KCNMA1: variants seen among roughly 807,000 people sequenced by gnomAD.
The protein encoded by KCNMA1 is Calcium-activated potassium channel subunit alpha-1.
Under a neutral mutation model 140.0 loss-of-function variants are expected in KCNMA1, and 29 were observed. The observed-to-expected ratio is 0.21, with a 90% confidence interval of 0.15 to 0.28. KCNMA1 has a LOEUF of 0.28. KCNMA1 is among the 10% of genes least tolerant of loss of function. The pLI is 1.00. For synonymous variants in KCNMA1, 612 were observed against 611.9 expected (o/e 1.00, Z 0.00); for missense variants, 880 against 1,602.2 (o/e 0.55, Z 7.70).
chr10:76,922,147 C>T (rs1028788077), intron 23 of KCNMA1, among the ~76,000 whole-genome samples: 2 of 152,160 alleles, frequency 1.3e-5, no homozygotes, highest in African/African-American at 2.4e-5. Context: ...GACTCCTGAG[C>T]CAAACCATAA....
chr10:77,295,325 C>T (rs2074587277), intron 2 of KCNMA1, among the ~76,000 whole-genome samples: 1 of 148,678 alleles, frequency 6.7e-6, no homozygotes, highest in Non-Finnish European at 1.5e-5. Context: ...CTAGCCTGGA[C>T]AACAAGAGTG....
intron 2 of KCNMA1, among the ~76,000 whole-genome samples, chr10:77,401,955 T>C (rs899498180): frequency 6.6e-6 from 1 of 152,218 alleles, no homozygotes; most frequent in Admixed American, 6.5e-5. Context: ...CCTTCCTTGT[T>C]TTCTCCAGAG....
At chr10:77,244,294 T>C (rs771106641) in intron 3 of KCNMA1, among the ~76,000 whole-genome samples, 11 of 152,188 alleles carry the variant, frequency 7.2e-5, no homozygotes, top group Non-Finnish European at 1.5e-4. Flanking sequence ...AATGCCTCTT[T>C]GACTCTAATA....
intron 1 of KCNMA1, among the ~76,000 whole-genome samples, chr10:77,509,414 G>A (rs539714557): frequency 2.3e-4 from 35 of 151,716 alleles, no homozygotes; most frequent in African/African-American, 7.5e-4. Context: ...CACCATGCCC[G>A]GCCCTACCTC....
At chr10:77,630,749 C>T (rs2093083744) in intron 1 of KCNMA1, among the ~76,000 whole-genome samples, 1 of 151,894 alleles carries the variant, frequency 6.6e-6, no homozygotes. Context: ...ATCTCAGGTC[C>T]CACACTGGAT....
intron 1 of KCNMA1, among the ~76,000 whole-genome samples, chr10:77,550,925 G>T (rs1161412492): frequency 1.3e-5 from 2 of 152,114 alleles, no homozygotes; most frequent in East Asian, 3.9e-4. Context: ...GGAGTCAGGG[G>T]CATACAAAGC....
intron 1 of KCNMA1, among the ~76,000 whole-genome samples, chr10:77,595,479 C>A (rs1412111519): frequency 1.3e-5 from 2 of 152,054 alleles, no homozygotes; most frequent in Non-Finnish European, 2.9e-5. Context: ...TTCGGGGCCC[C>A]ATAGTTCTGT....
intron 2 of KCNMA1, among the ~76,000 whole-genome samples, chr10:77,265,808 C>T (rs1435567245): frequency 6.6e-6 from 1 of 152,130 alleles, no homozygotes; most frequent in Non-Finnish European, 1.5e-5. Flanking sequence ...AGGCTGGGTG[C>T]TGTGGCTCAT....
intron 1 of KCNMA1, among the ~76,000 whole-genome samples, chr10:77,449,809 A>G (rs1191519530): frequency 6.6e-6 from 1 of 151,248 alleles, no homozygotes; most frequent in Non-Finnish European, 1.5e-5. Context: ...TGCCCAGCTA[A>G]TTTTTTGTAT....
chr10:77,518,743 C>A (rs2051597034), intron 1 of KCNMA1, among the ~76,000 whole-genome samples: 1 of 152,126 alleles, frequency 6.6e-6, no homozygotes, highest in Non-Finnish European at 1.5e-5. Context: ...GGGACTCCAG[C>A]GGGGAGGAAA....
chr10:77,390,436 G>T (rs2095778264), intron 2 of KCNMA1, among the ~76,000 whole-genome samples: 1 of 152,192 alleles, frequency 6.6e-6, no homozygotes, highest in African/African-American at 2.4e-5. Flanking sequence ...TTCCTGGAGA[G>T]ATCTCAGGTG....
intron 2 of KCNMA1, among the ~76,000 whole-genome samples, chr10:77,346,962 C>T (rs944584878): frequency 1.3e-5 from 2 of 152,180 alleles, no homozygotes; most frequent in African/African-American, 2.4e-5. Flanking sequence ...AAGCAGCCTG[C>T]ATGTGGGTCT....
Position 76,887,284 on chromosome 10 carries a change from C to A in KCNMA1, c.3693G>T (p.Val1231=). The A allele has an allele frequency of 1.2e-6, 2 of 1,614,142 alleles. No homozygotes were observed. Among genetic ancestry groups the A allele is most frequent in the Non-Finnish European group, 1.7e-6 (2 of 1,180,030 alleles). Residue 1231 remains valine (V), a synonymous_variant, in exon 28 of 28, where the codon GTG becomes GTT. Transcript: ENST00000286628. ...ACACATATCAAAGCCGCTCTTCCTG[C>A]ACGTACTTCTGTTTGTCCCGGGACT... ...SRESRDKQKY[V]QEERL
At chr10:76,879,017 C>T (rs1394679097) in intron 29 of KCNMA1, among the ~76,000 whole-genome samples, 2 of 152,140 alleles carry the variant, frequency 1.3e-5, no homozygotes, top group Non-Finnish European at 2.9e-5. Context: ...TTTCTGCTTA[C>T]CAGAACAATT....
At chr10:77,403,611 G>A (rs2096359637) in intron 2 of KCNMA1, among the ~76,000 whole-genome samples, 1 of 152,106 alleles carries the variant, frequency 6.6e-6, no homozygotes, top group South Asian at 2.1e-4. Flanking sequence ...TTTAGCAGAG[G>A]AAATGTGCTA....
At chr10:77,083,499 T>C (rs1378251268) in intron 12 of KCNMA1, among the ~76,000 whole-genome samples, 1 of 124,820 alleles carries the variant, frequency 8.0e-6, no homozygotes, top group African/African-American at 3.0e-5. Context: ...CTAGATGTTC[T>C]GTAAAAAAAA....
intron 25 of KCNMA1, 79 bp from the exon 26 acceptor site, chr10:76,891,798 A>G (rs1016354925): frequency 8.2e-6 from 10 of 1,219,750 alleles, no homozygotes; most frequent in Middle Eastern, 1.9e-4. Context: ...CCAAATTACA[A>G]CTTTTCTTGG....
chr10:77,297,887 C>T (rs1056677192), intron 2 of KCNMA1, among the ~76,000 whole-genome samples: 6 of 152,136 alleles, frequency 3.9e-5, no homozygotes, highest in Admixed American at 3.9e-4. Flanking sequence ...AAAGGGAGAC[C>T]TGTGTGATAA....
intron 23 of KCNMA1, among the ~76,000 whole-genome samples, chr10:76,924,997 C>T (rs2057238668): frequency 6.6e-6 from 1 of 152,132 alleles, no homozygotes; most frequent in Admixed American, 6.5e-5. Context: ...CCCCCTCTTC[C>T]CTCCCAACCC....
Sources: allele counts gnomAD v4.1 joint callset (sites outside exome capture counted in the v4.1 genomes callset), GRCh38; gene constraint gnomAD v4.1.1; transcripts MANE v1.5; gene names NCBI Gene and HGNC (gene_info 2026-07-23, HGNC 2026-07-21).